The following TICAM2 variants were observed in gnomAD, a reference collection of about 807,000 sequenced individuals.
The protein encoded by TICAM2 is TIR domain-containing adapter molecule 2.
TICAM2 carries 8 observed loss-of-function variants against 7.3 expected under a neutral mutation model. The observed-to-expected ratio is 1.10, with a 90% CI of 0.65 to 1.99. The LOEUF is 1.99. TICAM2 is among the 30% of genes most tolerant of loss of function. TICAM2 has a pLI of 0.00. For missense variants in TICAM2, 304 were observed against 278.8 expected (o/e 1.09, Z -0.65); for synonymous variants, 113 against 99.6 (o/e 1.13, Z -0.80).
At position 115,602,208 on chromosome 5, in the gene TICAM2, C is replaced by T. The variant is rs1249048537; in HGVS notation, c.-171G>A. The T allele has an allele frequency of 6.6e-6, 1 of 152,452 alleles. No individual in the cohort carries two copies. Among genetic ancestry groups the T allele is most frequent in the Admixed American group, 6.5e-5 (1 of 15,286 alleles). 9.4% of individuals were successfully genotyped at this position (152,452 alleles called of 1,614,324 possible). A position where few individuals can be genotyped will look rare whatever the true frequency, so the allele number is the denominator to read the frequency against. On this transcript the variant is annotated 5_prime_UTR_variant, in exon 1 of 2. Transcript: ENST00000427199. ...GCCCCGGGCGTCGAGAGTTTGGGGC[C>T]GTCCCGTACGCGGCGCGCCGCAACC...
At position 115,579,774 on chromosome 5, in the gene TICAM2, A is replaced by G. The variant is rs373462258; in HGVS notation, c.*775T>C. The G allele has an allele frequency of 1.3e-5, 2 of 152,204 alleles. No individual in the cohort carries two copies. Among genetic ancestry groups the G allele is most frequent in the African/African-American group, 2.4e-5 (1 of 41,450 alleles). The allele number at this position is 152,204 out of a possible 1,614,324, so 9.4% of individuals were successfully genotyped here. On this transcript the variant is annotated 3_prime_UTR_variant, in exon 2 of 2. Transcript: ENST00000427199. ...GAGAGGTTTTTGATTTAAAAAGTGAATATCTGGCCACTCACACAGTTATAC... is the reference window on the plus strand; with the variant it reads ...GAGAGGTTTTTGATTTAAAAAGTGAGTATCTGGCCACTCACACAGTTATAC...
intron 1 of TICAM2, among the ~76,000 whole-genome samples, chr5:115,596,398 C>A (rs959465456): frequency 6.6e-6 from 1 of 152,154 alleles, no homozygotes; most frequent in Non-Finnish European, 1.5e-5. Context: ...ACAAATAATA[C>A]CCTGCATAGC....
chr5:115,589,884 C>T (rs1755239073), intron 1 of TICAM2, among the ~76,000 whole-genome samples: 1 of 152,308 alleles, frequency 6.6e-6, no homozygotes, highest in Non-Finnish European at 1.5e-5. Context: ...AATTAATTAG[C>T]TCCAAAGATA....
At chr5:115,600,304 A>C (rs1467426425) in intron 1 of TICAM2, among the ~76,000 whole-genome samples, 3 of 152,230 alleles carry the variant, frequency 2.0e-5, no homozygotes, top group Non-Finnish European at 4.4e-5. Context: ...GATGCTGAGT[A>C]AACAGCTGGA....
At chr5:115,586,884 C>T (rs1755124627) in intron 1 of TICAM2, among the ~76,000 whole-genome samples, 1 of 152,210 alleles carries the variant, frequency 6.6e-6, no homozygotes, top group Non-Finnish European at 1.5e-5. Context: ...TTAGGACTCA[C>T]TGCACAGGTG....
chr5:115,580,536 TA>T lies in TICAM2; in HGVS notation c.*12del. ...TACAAAACAAGAGCCAGCCACATGT[TA>T]TATGTTTCATCTCAGGCAATAAATT... On this transcript the variant is annotated 3_prime_UTR_variant, in exon 2 of 2. Transcript: ENST00000427199. 1 of 1,570,592 alleles carries T rather than the reference TA, an allele frequency of 6.4e-7. No homozygotes were observed. Among genetic ancestry groups the T allele is most frequent in the Admixed American group, 2.0e-5 (1 of 49,066 alleles).
rs1341158570 is a variant in TICAM2, at chr5:115,578,776, C to A, written c.*1773G>T. On this transcript the variant is annotated 3_prime_UTR_variant, in exon 2 of 2. Transcript: ENST00000427199. ...ATTGGCTTTACAGGAAGCATTATGG[C>A]AAAAAAATGAATACTTATTATGAAA... The A allele has an allele frequency of 6.6e-6, 1 of 151,708 alleles. No homozygotes were observed. The highest frequency in any genetic ancestry group is 1.5e-5 in the Non-Finnish European group (1 of 67,962). The allele number at this position is 151,708 out of a possible 1,614,324, so 9.4% of individuals were successfully genotyped here. A position where few individuals can be genotyped will look rare whatever the true frequency, so the allele number is the denominator to read the frequency against.
At position 115,579,786 on chromosome 5, in the gene TICAM2, TCA is replaced by T. The variant is rs1754850936; in HGVS notation, c.*761_*762del. On this transcript the variant is annotated 3_prime_UTR_variant, in exon 2 of 2. Coordinates refer to ENST00000427199, the MANE Select transcript of TICAM2 (RefSeq NM_021649.7). The stretch of plus-strand genomic sequence containing the variant: ...ATTTAAAAAGTGAATATCTGGCCAC[TCA>T]CACAGTTATACGCCTTTTAGAAGCT... 6.6e-6 allele frequency: 1 copy of T among 152,148 alleles called. No individual in the cohort carries two copies. Among genetic ancestry groups the T allele is most frequent in the Non-Finnish European group, 1.5e-5 (1 of 68,018 alleles). The allele number at this position is 152,148 out of a possible 1,614,324, so 9.4% of individuals were successfully genotyped here.
intron 1 of TICAM2, among the ~76,000 whole-genome samples, chr5:115,585,139 G>A (rs1561574273): frequency 6.6e-6 from 1 of 152,124 alleles, no homozygotes; most frequent in African/African-American, 2.4e-5. Context: ...TTCATTATCT[G>A]TAAAATAATT....
intron 1 of TICAM2, among the ~76,000 whole-genome samples, chr5:115,585,554 G>T (rs2559990): frequency 0.54 from 81,491 of 151,994 alleles, 22,179 homozygotes; most frequent in African/African-American, 0.64. Context: ...GCTCTAGGAG[G>T]TACTAAAAAG....
chr5:115,591,411 C>G (rs750126452), intron 1 of TICAM2, among the ~76,000 whole-genome samples: 1 of 151,942 alleles, frequency 6.6e-6, no homozygotes, highest in African/African-American at 2.4e-5. Flanking sequence ...GCCAGGAACC[C>G]GGCACAAGCA....
At chr5:115,595,068 T>C (rs192579534) in intron 1 of TICAM2, among the ~76,000 whole-genome samples, 7 of 152,302 alleles carry the variant, frequency 4.6e-5, no homozygotes, top group Admixed American at 2.6e-4. Context: ...ATATGAGTGA[T>C]AGATATCAAA....
chr5:115,594,291 A>T (rs1755423343), intron 1 of TICAM2, among the ~76,000 whole-genome samples: 1 of 152,244 alleles, frequency 6.6e-6, no homozygotes, highest in Non-Finnish European at 1.5e-5. Context: ...TGCTTGCTTT[A>T]AACTGTGTGT....
At chr5:115,592,918 G>A (rs1422780339) in intron 1 of TICAM2, among the ~76,000 whole-genome samples, 1 of 152,216 alleles carries the variant, frequency 6.6e-6, no homozygotes, top group Non-Finnish European at 1.5e-5. Flanking sequence ...CAAGGTGGGT[G>A]GCTCATTTTG....
At chr5:115,600,098 T>C (rs978728005) in intron 1 of TICAM2, among the ~76,000 whole-genome samples, 22 of 152,146 alleles carry the variant, frequency 1.4e-4, no homozygotes, top group African/African-American at 4.6e-4. Flanking sequence ...GATGCTTGGA[T>C]GCGGAGTCTG....
Position 115,599,267 on chromosome 5 carries a change from T to C in TICAM2, c.-60+2830A>G, listed in dbSNP as rs149026119. On this transcript the variant is annotated intron_variant, in intron 1 of 1. Transcript: ENST00000427199. ...TTAGATTATTGCTTCCTATTTCCTA[T>C]TGCCCCTATTGGTGGGGGGAGGGGG... is the stretch of plus-strand genomic sequence containing the variant. Among the ~76,000 whole-genome samples, 890 of 152,172 alleles carry C rather than the reference T, an allele frequency of 5.8e-3. 4 individuals are homozygous for C. Among genetic ancestry groups the C allele is most frequent in the Non-Finnish European group, 8.6e-3 (583 of 67,988 alleles).
chr5:115,601,672 CCAGT>C (rs751059802), intron 1 of TICAM2, among the ~76,000 whole-genome samples: 1 of 152,122 alleles, frequency 6.6e-6, no homozygotes, highest in Non-Finnish European at 1.5e-5. Context: ...CTCACAGCTG[CCAGT>C]CAAATTATTT....
At chr5:115,588,991 C>T (rs1755210247) in intron 1 of TICAM2, among the ~76,000 whole-genome samples, 1 of 152,204 alleles carries the variant, frequency 6.6e-6, no homozygotes, top group Non-Finnish European at 1.5e-5. Context: ...TCTCATAAGA[C>T]ACACCTTTCT....
chr5:115,580,626 G>C lies in TICAM2; in HGVS notation c.631C>G (p.Gln211Glu). The C allele has an allele frequency of 2.5e-6, 4 of 1,591,750 alleles. No homozygotes were observed. Among genetic ancestry groups the C allele is most frequent in the Non-Finnish European group, 3.4e-6 (4 of 1,172,742 alleles). The stretch of plus-strand genomic sequence containing the variant: ...TGTTGTGTCTTATACACAGACTCCT[G>C]AAAAATTCTTTCTACTTGTGTAGGA... ...GFPTQVERIF[Q>E]ESVYKTQQTI... The change falls in exon 2 of 2, where the codon CAG becomes GAG. Residue 211 changes from glutamine to glutamate, a missense_variant. By Grantham distance (29) the Gln-to-Glu change is conservative. Coordinates refer to ENST00000427199, the MANE Select transcript of TICAM2 (RefSeq NM_021649.7).
Sources: allele counts gnomAD v4.1 joint callset (sites outside exome capture counted in the v4.1 genomes callset), GRCh38; gene constraint gnomAD v4.1.1; transcripts MANE v1.5; gene names NCBI Gene and HGNC (gene_info 2026-07-23, HGNC 2026-07-21).